NFATC2: variants seen among roughly 807,000 people sequenced by gnomAD.
NFATC2 encodes the protein nuclear factor of activated T-cells, cytoplasmic 2.
A neutral mutation model predicts 87.3 loss-of-function variants in NFATC2; 22 were observed. The ratio of observed to expected loss-of-function variants is 0.25; its 90% confidence interval spans 0.18 to 0.36. The LOEUF is 0.36. Among genes scored for constraint, NFATC2 ranks in the 10% least tolerant of loss-of-function variants. The pLI is 1.00. For missense variants in NFATC2, 1,149 were observed against 1,259.1 expected, an observed-to-expected ratio of 0.91 and a Z score of 1.32; for synonymous variants, 565 against 542.2, an observed-to-expected ratio of 1.04 and a Z score of -0.58.
intron 9 of NFATC2, among the ~76,000 whole-genome samples, chr20:51,410,037 C>T (rs1978949454): frequency 6.6e-6 from 1 of 151,924 alleles, no homozygotes; most frequent in Non-Finnish European, 1.5e-5. Context: ...GGTGAAACCC[C>T]GTCTCTACTA....
At chr20:51,443,008 C>T (rs1984577736) in intron 6 of NFATC2, among the ~76,000 whole-genome samples, 2 of 152,174 alleles carry the variant, frequency 1.3e-5, no homozygotes, top group South Asian at 4.1e-4. Context: ...CAGCTTTCCT[C>T]CCCTGATTCC....
chr20:51,544,384 C>A (rs1208361337), upstream of NFATC2, among the ~76,000 whole-genome samples: 3 of 152,184 alleles, frequency 2.0e-5, no homozygotes, highest in Non-Finnish European at 2.9e-5. Context: ...GTGAGAACCA[C>A]AGCTTGACCT....
intron 1 of NFATC2, among the ~76,000 whole-genome samples, chr20:51,529,309 G>A (rs2076595423): frequency 6.6e-6 from 1 of 151,528 alleles, no homozygotes; most frequent in Non-Finnish European, 1.5e-5. Context: ...AGTGTGCTGA[G>A]CAAAAGTATT....
At chr20:51,553,451 G>A (rs1328734453) in intron 1 of NFATC2, among the ~76,000 whole-genome samples, 3 of 152,012 alleles carry the variant, frequency 2.0e-5, no homozygotes, top group African/African-American at 7.3e-5. Context: ...CGAGGTGGGC[G>A]GATCACGAGG....
intron 5 of NFATC2, among the ~76,000 whole-genome samples, chr20:51,456,313 C>A (rs999324242): frequency 6.6e-6 from 1 of 152,140 alleles, no homozygotes; most frequent in African/African-American, 2.4e-5. Context: ...CTCATAGCAA[C>A]CCTCTGAGGA....
chr20:51,495,351 G>A (rs1314447421), intron 3 of NFATC2, among the ~76,000 whole-genome samples: 1 of 152,228 alleles, frequency 6.6e-6, no homozygotes, highest in East Asian at 1.9e-4. Context: ...GCCTCCCAAA[G>A]TGCTGGGATT....
At chr20:51,500,472 G>C (rs987824791) in intron 3 of NFATC2, among the ~76,000 whole-genome samples, 3 of 151,820 alleles carry the variant, frequency 2.0e-5, no homozygotes, top group Non-Finnish European at 4.4e-5. Context: ...CTATTACTCT[G>C]AGTCATAGAA....
intron 9 of NFATC2, among the ~76,000 whole-genome samples, chr20:51,417,499 C>T (rs892891700): frequency 6.6e-6 from 1 of 152,198 alleles, no homozygotes; most frequent in Non-Finnish European, 1.5e-5. Flanking sequence ...ATTCCTTCCC[C>T]TCACTCTCTT....
At chr20:51,430,558 C>T (rs1982554753) in intron 9 of NFATC2, among the ~76,000 whole-genome samples, 1 of 152,164 alleles carries the variant, frequency 6.6e-6, no homozygotes. Flanking sequence ...CCTTGTAAGG[C>T]ACGTGGGGCA....
intron 9 of NFATC2, among the ~76,000 whole-genome samples, chr20:51,424,094 A>G (rs1354124123): frequency 1.3e-5 from 2 of 152,140 alleles, no homozygotes; most frequent in East Asian, 3.9e-4. Flanking sequence ...AGGGACAGAT[A>G]CCTGCATATC....
chr20:51,467,844 C>T (rs1987838535), intron 5 of NFATC2, among the ~76,000 whole-genome samples: 1 of 152,198 alleles, frequency 6.6e-6, no homozygotes, highest in Admixed American at 6.5e-5. Context: ...AAAGCATTTG[C>T]TCACAGAAGG....
At chr20:51,561,033 G>A (rs919235695) in intron 1 of NFATC2, among the ~76,000 whole-genome samples, 3 of 151,826 alleles carry the variant, frequency 2.0e-5, no homozygotes, top group African/African-American at 7.3e-5. Context: ...TCAAACACCC[G>A]GTTTCAGTAT....
At chr20:51,483,450 G>A (rs1171881732) in intron 3 of NFATC2, among the ~76,000 whole-genome samples, 4 of 152,008 alleles carry the variant, frequency 2.6e-5, no homozygotes, top group Non-Finnish European at 4.4e-5. Context: ...AAGGCCGAGC[G>A]GGAGGGTACC....
chr20:51,402,235 G>C (rs775119352), intron 9 of NFATC2, among the ~76,000 whole-genome samples: 4 of 152,168 alleles, frequency 2.6e-5, no homozygotes, highest in Non-Finnish European at 5.9e-5. Context: ...ACTCAGACCT[G>C]AACTGCCCAT....
In NFATC2 at chr20:51,518,645, T is replaced by C. The variant is rs544170064; in HGVS notation, c.1161-1690A>G. ...TCAAATAATCACTCACATCTAACCATATGATTTCCATATAGTTTGATACAA... is the reference window on the plus strand; with the variant it reads ...TCAAATAATCACTCACATCTAACCACATGATTTCCATATAGTTTGATACAA... On this transcript the variant is annotated intron_variant, in intron 2 of 10. Coordinates refer to ENST00000371564, the MANE Select transcript of NFATC2 (RefSeq NM_012340.5). Among the ~76,000 whole-genome samples, 48 of 152,214 alleles carry C rather than the reference T, an allele frequency of 3.2e-4. 2 individuals are homozygous for C. The highest frequency in any genetic ancestry group is 1.1e-3 in the African/African-American group (46 of 41,544).
chr20:51,477,600 G>T (rs1988871740), intron 3 of NFATC2, among the ~76,000 whole-genome samples: 1 of 109,616 alleles, frequency 9.1e-6, no homozygotes, highest in African/African-American at 3.3e-5. Context: ...AGAGACAAAA[G>T]GACATTGGTC....
chr20:51,391,372 G>C lies in NFATC2; in HGVS notation c.*124C>G, dbSNP rs1986298886. On this transcript the variant is annotated 3_prime_UTR_variant, in exon 11 of 11. Transcript: ENST00000371564. ...GGGCTCCGAGGGGTCAGATACAGAAGGTGTCTTGCTATAATGGCTTCTTTT... is the reference window on the plus strand; with the variant it reads ...GGGCTCCGAGGGGTCAGATACAGAACGTGTCTTGCTATAATGGCTTCTTTT... The C allele has an allele frequency of 4.4e-6, 7 of 1,601,092 alleles. No individual in the cohort carries two copies. Among genetic ancestry groups the C allele is most frequent in the Non-Finnish European group, 5.1e-6 (6 of 1,172,308 alleles).
chr20:51,504,275 G>A (rs561527693), intron 3 of NFATC2, among the ~76,000 whole-genome samples: 3 of 152,274 alleles, frequency 2.0e-5, no homozygotes, highest in South Asian at 4.2e-4. Context: ...GCCCGCCTCA[G>A]CCTCCCAAAG....
chr20:51,529,498 C>T (rs959201658), intron 1 of NFATC2, among the ~76,000 whole-genome samples: 1 of 152,124 alleles, frequency 6.6e-6, no homozygotes, highest in Non-Finnish European at 1.5e-5. Context: ...TAAAATATTT[C>T]TCTAAGTCAG....
Sources: gnomAD v4.1 joint callset for allele counts (sites outside exome capture counted in the v4.1 genomes callset) on GRCh38, gnomAD v4.1.1 for gene constraint, MANE v1.5 for transcripts, NCBI Gene and HGNC (gene_info 2026-07-23, HGNC 2026-07-21) for gene names.